Variants in SLC24A3 observed in about 807,000 individuals in gnomAD.
SLC24A3 encodes the protein solute carrier family 24 member 3.
Under a neutral mutation model 75.8 loss-of-function variants are expected in SLC24A3, and 28 were observed. The ratio of observed to expected loss-of-function variants is 0.37; its 90% confidence interval spans 0.27 to 0.51. The LOEUF is 0.51. SLC24A3 is among the 20% of genes least tolerant of loss of function. The probability of loss-of-function intolerance (pLI) is 0.94; values close to 1 mark genes in which losing one functional copy is unlikely to be tolerated. For missense variants in SLC24A3, 663 were observed against 847.8 expected, an observed-to-expected ratio of 0.78 and a Z score of 2.71; for synonymous variants, 372 against 334.1, an observed-to-expected ratio of 1.11 and a Z score of -1.24.
intron 6 of SLC24A3, among the ~76,000 whole-genome samples, chr20:19,609,614 T>C (rs2031644773): frequency 6.6e-6 from 1 of 152,136 alleles, no homozygotes; most frequent in Admixed American, 6.5e-5. Context: ...CCCCTCCCTG[T>C]GTCCATGTGT....
intron 12 of SLC24A3, among the ~76,000 whole-genome samples, chr20:19,692,486 C>A (rs2032755617): frequency 6.6e-6 from 1 of 152,090 alleles, no homozygotes; most frequent in Non-Finnish European, 1.5e-5. Flanking sequence ...ATCTCAATCA[C>A]ATTATGTTGA....
intron 2 of SLC24A3, among the ~76,000 whole-genome samples, chr20:19,349,897 A>T (rs1985526548): frequency 6.6e-6 from 1 of 152,186 alleles, no homozygotes; most frequent in Admixed American, 6.5e-5. Context: ...TTGCCTACAC[A>T]GGTTACCACT....
chr20:19,299,123 T>C (rs1429732666), intron 2 of SLC24A3, among the ~76,000 whole-genome samples: 1 of 152,070 alleles, frequency 6.6e-6, no homozygotes, highest in Non-Finnish European at 1.5e-5. Context: ...TGTTGTTGAG[T>C]TGGGGTGGAA....
intron 6 of SLC24A3, among the ~76,000 whole-genome samples, chr20:19,636,174 C>T (rs551954690): frequency 4.6e-5 from 7 of 152,078 alleles, no homozygotes; most frequent in African/African-American, 1.7e-4. Flanking sequence ...AAAGATCTCC[C>T]AAGGCCTTTT....
intron 2 of SLC24A3, among the ~76,000 whole-genome samples, chr20:19,444,449 A>C (rs1272020467): frequency 6.6e-6 from 1 of 152,218 alleles, no homozygotes; most frequent in Non-Finnish European, 1.5e-5. Flanking sequence ...TAGTGAACTC[A>C]TCTGGGCCTG....
rs563194585 is a variant in SLC24A3 at position 19,544,528 on chromosome 20, A to G, written c.348+28964A>G. Among the ~76,000 whole-genome samples the G allele has an allele frequency of 2.6e-5, 4 of 152,276 alleles. No individual in the cohort carries two copies. The East Asian group carries it at 7.7e-4, about 29-fold the overall frequency. ...AGGGGAAGCCTGACTGAGTGGTACC[A>G]TTTTTGCACCAGACTAAAATTCACA... On this transcript the variant is annotated intron_variant, in intron 3 of 16. Coordinates refer to ENST00000328041, the MANE Select transcript of SLC24A3 (RefSeq NM_020689.4).
At chr20:19,643,173 G>C (rs955102119) in intron 6 of SLC24A3, among the ~76,000 whole-genome samples, 2 of 152,174 alleles carry the variant, frequency 1.3e-5, no homozygotes, top group Admixed American at 6.6e-5. Flanking sequence ...ACCTGAGGGG[G>C]ACAGGTGCTT....
intron 1 of SLC24A3, among the ~76,000 whole-genome samples, chr20:19,229,477 C>T (rs1981956289): frequency 6.6e-6 from 1 of 152,058 alleles, no homozygotes; most frequent in East Asian, 1.9e-4. Context: ...TAGCTTTAGA[C>T]TCAAACTATA....
intron 2 of SLC24A3, among the ~76,000 whole-genome samples, chr20:19,358,317 G>A (rs949228082): frequency 2.0e-5 from 3 of 152,118 alleles, no homozygotes; most frequent in African/African-American, 7.2e-5. Flanking sequence ...ACATCCACCC[G>A]CGCCACATCT....
intron 3 of SLC24A3, among the ~76,000 whole-genome samples, chr20:19,572,606 C>T (rs973874275): frequency 2.6e-5 from 4 of 152,150 alleles, no homozygotes; most frequent in Non-Finnish European, 4.4e-5. Context: ...TGAAAGTCAA[C>T]GGAGCTCTCT....
At chr20:19,647,675 A>G (rs1241198556) in intron 6 of SLC24A3, among the ~76,000 whole-genome samples, 1 of 152,208 alleles carries the variant, frequency 6.6e-6, no homozygotes, top group Non-Finnish European at 1.5e-5. Flanking sequence ...CTTAACATGA[A>G]AACTGCACAT....
Position 19,602,389 on chromosome 20 carries a change from C to T in SLC24A3, c.612+16845C>T, listed in dbSNP as rs539173566. Among the ~76,000 whole-genome samples the T allele has an allele frequency of 2.4e-4, 36 of 151,822 alleles. No homozygotes were observed. The South Asian group carries it at 7.3e-3, about 31-fold the overall frequency. ...ATGGGTGGCTTGGGAGAGCTTTTGCCCACCTACTCCACACACAAGCCCCCA... is the reference window on the plus strand; with the variant it reads ...ATGGGTGGCTTGGGAGAGCTTTTGCTCACCTACTCCACACACAAGCCCCCA... On this transcript the variant is annotated intron_variant, in intron 6 of 16. Transcript: ENST00000328041.
At chr20:19,213,143 C>A in intron 1 of SLC24A3, 159 bp downstream of exon 1, 1 of 799,468 alleles carries the variant, frequency 1.3e-6, no homozygotes, top group Non-Finnish European at 1.6e-6. Context: ...AGGACTCCCC[C>A]TGCCCCACGC....
At position 19,604,735 on chromosome 20, in the gene SLC24A3, G is replaced by A. The variant is rs78294665; in HGVS notation, c.612+19191G>A. Among the ~76,000 whole-genome samples the A allele has an allele frequency of 6.5e-3, 996 of 152,252 alleles. 12 individuals are homozygous for A. Among genetic ancestry groups the A allele is most frequent in the African/African-American group, 0.023 (952 of 41,534 alleles). On this transcript the variant is annotated intron_variant, in intron 6 of 16. Coordinates refer to ENST00000328041, the MANE Select transcript of SLC24A3 (RefSeq NM_020689.4). The stretch of plus-strand genomic sequence containing the variant: ...GAGCCCTGGATGCCTTTGAGTGTTC[G>A]CTCAAATCCCCCTACTGCAGGCTCT...
At chr20:19,458,663 C>T (rs1012883295) in intron 2 of SLC24A3, among the ~76,000 whole-genome samples, 3 of 152,120 alleles carry the variant, frequency 2.0e-5, no homozygotes, top group South Asian at 2.1e-4. Flanking sequence ...CAGTTTTATC[C>T]GTATTGTAGC....
rs1235547686 is a variant in SLC24A3, at chr20:19,602,937, C to T, written c.612+17393C>T. 3.3e-5 allele frequency among the ~76,000 whole-genome samples: 5 copies of T among 152,296 alleles called. No homozygotes were observed. In the East Asian group the frequency reaches 5.8e-4, roughly 18 times the overall value. On this transcript the variant is annotated intron_variant, in intron 6 of 16. Transcript: ENST00000328041. ...CCAGCTGAGGGGGGCTCATCACACC[C>T]GCACCGTGGTTCAGCTGAGCAAGAT...
At chr20:19,613,972 G>A (rs1055075252) in intron 6 of SLC24A3, among the ~76,000 whole-genome samples, 7 of 152,234 alleles carry the variant, frequency 4.6e-5, no homozygotes, top group African/African-American at 1.7e-4. Flanking sequence ...TCCTGGCGCA[G>A]ACTGTTGACA....
At chr20:19,308,000 T>C (rs1327806274) in intron 2 of SLC24A3, among the ~76,000 whole-genome samples, 1 of 152,142 alleles carries the variant, frequency 6.6e-6, no homozygotes, top group Non-Finnish European at 1.5e-5. Flanking sequence ...TAAAGTGAAA[T>C]GTTATCTTTA....
chr20:19,512,967 G>C (rs192057473), intron 2 of SLC24A3, among the ~76,000 whole-genome samples: 2 of 152,324 alleles, frequency 1.3e-5, no homozygotes. Context: ...ATGGGTGATG[G>C]CTGTTGTGAT....
Sources: gnomAD v4.1 joint callset for allele counts (sites outside exome capture counted in the v4.1 genomes callset) on GRCh38, gnomAD v4.1.1 for gene constraint, MANE v1.5 for transcripts, NCBI Gene and HGNC (gene_info 2026-07-23, HGNC 2026-07-21) for gene names.